SLC9B1: variants seen among roughly 807,000 people sequenced by gnomAD.
The protein encoded by SLC9B1 is solute carrier family 9 member B1, also known as sodium/hydrogen exchanger 9B1.
In SLC9B1, 32 loss-of-function variants were observed where a neutral mutation model predicts 51.7. The ratio of observed to expected loss-of-function variants is 0.62; its 90% confidence interval spans 0.47 to 0.83. The LOEUF (loss-of-function observed/expected upper bound fraction) is 0.83, where lower values mean the gene tolerates loss of function less well. SLC9B1 is among the 40% of genes least tolerant of loss of function. The pLI, the probability that SLC9B1 is intolerant of heterozygous loss-of-function variation, is 0.00. For missense variants in SLC9B1, 406 were observed against 613.2 expected, an observed-to-expected ratio of 0.66 and a Z score of 3.57; for synonymous variants, 145 against 212.7, an observed-to-expected ratio of 0.68 and a Z score of 2.77.
At chr4:102,896,155 CTG>C (rs1455035555), downstream of SLC9B1, among the ~76,000 whole-genome samples, 1 of 152,166 alleles carries the variant, frequency 6.6e-6, no homozygotes, top group African/African-American at 2.4e-5. Flanking sequence ...CCATGCCATG[CTG>C]CTGAGTGATA....
intron 9 of SLC9B1, among the ~76,000 whole-genome samples, chr4:102,909,539 T>G (rs6533030): frequency 0.044 from 4,471 of 101,032 alleles, no homozygotes; most frequent in Admixed American, 0.057. Flanking sequence ...GGAGGTGGAG[T>G]TTGCAGTGAG....
intron 7 of SLC9B1, among the ~76,000 whole-genome samples, chr4:102,922,502 T>C (rs943928411): frequency 3.3e-5 from 5 of 152,020 alleles, no homozygotes; most frequent in Non-Finnish European, 5.9e-5. Context: ...TTAAAAGAAC[T>C]AGAGAAGCAA....
chr4:102,998,733 G>A (rs764478133), intron 1 of SLC9B1, among the ~76,000 whole-genome samples: 2 of 152,106 alleles, frequency 1.3e-5, no homozygotes, highest in Non-Finnish European at 2.9e-5. Context: ...CCCAATAGGT[G>A]TGAATGGTAT....
intron 1 of SLC9B1, among the ~76,000 whole-genome samples, chr4:103,003,809 C>T (rs922291900): frequency 6.6e-6 from 1 of 152,140 alleles, no homozygotes; most frequent in East Asian, 1.9e-4. Context: ...CCCAGAGCTA[C>T]AGCACACAGC....
intron 11 of SLC9B1, among the ~76,000 whole-genome samples, chr4:102,905,027 GC>G (rs1734959268): frequency 6.6e-6 from 1 of 151,580 alleles, no homozygotes; most frequent in Admixed American, 6.6e-5. Flanking sequence ...GGTGGCAGGT[GC>G]CTGTGATCCT....
In SLC9B1 at chr4:102,991,687, C is replaced by A; in HGVS notation, c.25G>T (p.Glu9Ter). ...TGGAAGTTTTCATCCTCCAAATGTT[C>A]ATTTTTTGATTCTGTGGTATGCATG... MHTTESKNEHLEDENFQTS... is the reference protein window; with the variant it reads MHTTESKN Residue 9 changes from glutamate to a stop codon, truncating the protein, a stop_gained, in exon 2 of 12, where the codon GAA becomes TAA. Transcript: ENST00000296422. LOFTEE classifies it high-confidence loss of function. 1.3e-6 allele frequency: 2 copies of A among 1,587,554 alleles called. No individual in the cohort carries two copies. Among genetic ancestry groups the A allele is most frequent in the South Asian group, 2.3e-5 (2 of 87,742 alleles).
chr4:102,931,556 T>C (rs1736459344), intron 7 of SLC9B1, among the ~76,000 whole-genome samples: 1 of 152,236 alleles, frequency 6.6e-6, no homozygotes, highest in Admixed American at 6.5e-5. Flanking sequence ...AGACTCAATT[T>C]CAACATTGCA....
At chr4:102,951,362 GAAGAAATATCC>G (rs1054454221) in intron 3 of SLC9B1, among the ~76,000 whole-genome samples, 2 of 152,098 alleles carry the variant, frequency 1.3e-5, no homozygotes, top group African/African-American at 4.8e-5. Context: ...CTTAAAATAA[GAAGAAATATCC>G]CATGAGCAAA....
At chr4:102,946,480 T>G (rs1330006221) in intron 5 of SLC9B1, among the ~76,000 whole-genome samples, 167 bp downstream of exon 5, 5 of 152,172 alleles carry the variant, frequency 3.3e-5, no homozygotes, top group Non-Finnish European at 7.4e-5. Flanking sequence ...CCGGCTAATT[T>G]TTGTAGATTA....
chr4:102,955,456 C>T (rs561789187), intron 3 of SLC9B1, among the ~76,000 whole-genome samples: 98 of 152,196 alleles, frequency 6.4e-4, no homozygotes, highest in African/African-American at 2.2e-3. Context: ...CTGGGAAAAA[C>T]AGTAGTTTTA....
chr4:103,006,801 C>T (rs1224323762), intron 1 of SLC9B1, among the ~76,000 whole-genome samples: 3 of 152,214 alleles, frequency 2.0e-5, no homozygotes, highest in African/African-American at 7.2e-5. Context: ...ATCAAGTAGA[C>T]TTTATCCCTG....
rs34697499 is a variant in SLC9B1, at chr4:102,959,235, T to TACACAC, written c.212-9814_212-9809dup. ...AGATTAGGAGACATACATATATATA[T>TACACAC]ACACACACACACACACACACACATA... On this transcript the variant is annotated intron_variant, in intron 3 of 11. Coordinates refer to ENST00000296422, the MANE Select transcript of SLC9B1 (RefSeq NM_139173.4). 1.4e-3 allele frequency among the ~76,000 whole-genome samples: 205 copies of TACACAC among 149,456 alleles called. No homozygotes were observed. In the Middle Eastern group the frequency reaches 0.017, roughly 12 times the overall value.
At chr4:102,968,716 C>G (rs1381325105) in intron 3 of SLC9B1, among the ~76,000 whole-genome samples, 2 of 152,208 alleles carry the variant, frequency 1.3e-5, no homozygotes, top group Non-Finnish European at 2.9e-5. Context: ...TGAGCTGAAG[C>G]AGGGCAGGGC....
intron 3 of SLC9B1, among the ~76,000 whole-genome samples, chr4:102,970,151 C>T (rs1026691956): frequency 1.9e-4 from 29 of 152,162 alleles, no homozygotes; most frequent in African/African-American, 6.8e-4. Context: ...CACAAAGATA[C>T]TCCTCGAGAA....
chr4:102,995,003 G>A (rs990378502), intron 1 of SLC9B1, among the ~76,000 whole-genome samples: 2 of 152,138 alleles, frequency 1.3e-5, no homozygotes, highest in Admixed American at 6.5e-5. Context: ...TAGATTATGA[G>A]GTAATTGGTA....
chr4:102,943,506 T>TATATACACAC (rs1553982064), intron 6 of SLC9B1, among the ~76,000 whole-genome samples: 16 of 145,484 alleles, frequency 1.1e-4, no homozygotes, highest in African/African-American at 3.9e-4. Context: ...TGTGTATGTA[T>TATATACACAC]ACACACACAC....
chr4:102,913,199 A>C (rs1735420866), intron 7 of SLC9B1, among the ~76,000 whole-genome samples: 1 of 152,176 alleles, frequency 6.6e-6, no homozygotes, highest in African/African-American at 2.4e-5. Flanking sequence ...TAGTTTTATG[A>C]GGTTACCTGA....
intron 11 of SLC9B1, chr4:102,887,458 T>C: frequency 2.1e-6 from 2 of 946,918 alleles, no homozygotes; most frequent in South Asian, 1.4e-5. Flanking sequence ...TCTCATTCTT[T>C]GTGTATAGAA....
At chr4:102,956,131 A>G (rs1272643001) in intron 3 of SLC9B1, among the ~76,000 whole-genome samples, 1 of 152,162 alleles carries the variant, frequency 6.6e-6, no homozygotes. Context: ...GGTAGACGAC[A>G]TTGCACATGT....
Sources: gnomAD v4.1 joint callset for allele counts (sites outside exome capture counted in the v4.1 genomes callset) on GRCh38, gnomAD v4.1.1 for gene constraint, MANE v1.5 for transcripts, NCBI Gene and HGNC (gene_info 2026-07-23, HGNC 2026-07-21) for gene names.